The following COL4A5 variants were observed in gnomAD, a reference collection of about 807,000 sequenced individuals.
The protein encoded by COL4A5 is collagen type IV alpha 5 chain.
In COL4A5, 26 loss-of-function variants were observed where a neutral mutation model predicts 130.2. The ratio of observed to expected loss-of-function variants is 0.20; its 90% confidence interval spans 0.15 to 0.28. COL4A5 has a LOEUF of 0.28. COL4A5 is among the 10% of genes least tolerant of loss of function. The probability of loss-of-function intolerance (pLI) is 1.00; values close to 1 mark genes in which losing one functional copy is unlikely to be tolerated. For synonymous variants in COL4A5, 496 were observed against 439.6 expected (o/e 1.13, Z -1.60); for missense variants, 1,131 against 1,344.3 (o/e 0.84, Z 2.48).
intron 1 of COL4A5, among the ~76,000 whole-genome samples, chrX:108,505,061 A>C (rs1030486328): frequency 1.8e-5 from 2 of 111,734 alleles, no homozygotes; most frequent in Non-Finnish European, 3.8e-5. Flanking sequence ...ACAAAAAAGG[A>C]ATGGAATAAT....
intron 36 of COL4A5, among the ~76,000 whole-genome samples, chrX:108,632,318 T>C (rs1441411088): frequency 1.8e-5 from 2 of 109,803 alleles, no homozygotes; most frequent in Non-Finnish European, 3.8e-5. Context: ...TAACAGGCTC[T>C]GAAATTGAGG....
chrX:108,673,219 G>A (rs1043965966), intron 42 of COL4A5, among the ~76,000 whole-genome samples: 10 of 111,438 alleles, frequency 9.0e-5, no homozygotes, highest in Non-Finnish European at 1.7e-4. Flanking sequence ...AGGGAGGTTA[G>A]GGCAGATACC....
intron 28 of COL4A5, among the ~76,000 whole-genome samples, chrX:108,605,895 TA>T (rs2066720706): frequency 8.9e-6 from 1 of 112,213 alleles, no homozygotes; most frequent in Non-Finnish European, 1.9e-5. Flanking sequence ...TTAGTAATAC[TA>T]ATAATAAATA....
At chrX:108,574,662 A>T (rs1355423835) in intron 9 of COL4A5, among the ~76,000 whole-genome samples, 4 of 111,986 alleles carry the variant, frequency 3.6e-5, no homozygotes, top group African/African-American at 1.3e-4. Flanking sequence ...TACTTTTTCT[A>T]CTTGATATGC....
chrX:108,603,849 G>T (rs927897790), intron 28 of COL4A5, among the ~76,000 whole-genome samples: 2 of 111,946 alleles, frequency 1.8e-5, no homozygotes, highest in Non-Finnish European at 3.8e-5. Context: ...AATATTCTAA[G>T]TCCTTTAGTG....
rs1420094332 is a variant in COL4A5, at chrX:108,449,022, G to GA, written c.81+8816_81+8817insA. Among the ~76,000 whole-genome samples the GA allele has an allele frequency of 5.4e-5, 6 of 111,700 alleles. No individual in the cohort carries two copies. In the Admixed American group the frequency reaches 5.7e-4, roughly 11 times the overall value. On this transcript the variant is annotated intron_variant, in intron 1 of 52. Transcript: ENST00000328300. ...TTTACTAGCAATGGAAACTTTCTAA[G>GA]GAGTCCCACAGCACCACCCTGAAAA...
intron 36 of COL4A5, among the ~76,000 whole-genome samples, chrX:108,646,558 T>C (rs1469425131): frequency 9.0e-6 from 1 of 111,579 alleles, no homozygotes; most frequent in East Asian, 2.8e-4. Context: ...GTAGTTTCTT[T>C]TGCTGTGCAG....
At chrX:108,602,260 T>C (rs1352929772) in intron 27 of COL4A5, among the ~76,000 whole-genome samples, 5 of 112,349 alleles carry the variant, frequency 4.5e-5, no homozygotes, top group Non-Finnish European at 1.9e-5. Context: ...GTGTTCACCA[T>C]AGTATTTTCA....
In COL4A5 at chrX:108,677,504, A is replaced by G. The variant is rs769844093; in HGVS notation, c.3813A>G (p.Leu1271=). The part of the protein sequence containing the change: ...GRPGPTGFQG[L]PGPEGPPGLP... ...CATTTGCTGTGGATTATTAAGGTCT[A>G]CCAGGTCCAGAAGGTCCTCCAGGTC... Residue 1271 remains leucine, a synonymous_variant, in exon 44 of 53, where the codon CTA becomes CTG. Coordinates refer to ENST00000328300, the MANE Select transcript of COL4A5 (RefSeq NM_033380.3). 1 of 1,209,351 alleles carries G rather than the reference A, an allele frequency of 8.3e-7. No homozygotes were observed. The highest frequency in any genetic ancestry group is 1.1e-6 in the Non-Finnish European group (1 of 893,571).
chrX:108,626,903 T>G (rs763960821), intron 36 of COL4A5: 2 of 760,119 alleles, frequency 2.6e-6, no homozygotes, highest in East Asian at 2.8e-4. Context: ...TTGACAATTG[T>G]TTAGTTCCAT....
chrX:108,646,713 C>G (rs181257082), intron 36 of COL4A5, among the ~76,000 whole-genome samples: 54 of 111,599 alleles, frequency 4.8e-4, no homozygotes, highest in Middle Eastern at 4.6e-3. Context: ...TATGGTTTTA[C>G]GTCTAACATT....
At chrX:108,695,909 T>G (rs2148003147) in intron 52 of COL4A5, 1 of 216,229 alleles carries the variant, frequency 4.6e-6, no homozygotes, top group South Asian at 7.5e-5. Flanking sequence ...AAATTTATTT[T>G]TATGTGTTGC....
chrX:108,549,288 A>G (rs757090966), intron 2 of COL4A5, among the ~76,000 whole-genome samples: 4 of 111,984 alleles, frequency 3.6e-5, no homozygotes, highest in Non-Finnish European at 7.5e-5. Context: ...CCAACATCAA[A>G]CAACTACAGA....
At chrX:108,491,818 C>T (rs773261958) in intron 1 of COL4A5, among the ~76,000 whole-genome samples, 1 of 111,361 alleles carries the variant, frequency 9.0e-6, no homozygotes, top group Non-Finnish European at 1.9e-5. Flanking sequence ...ATCTGAGGGA[C>T]CAGTTCAGAA....
At chrX:108,646,747 T>A (rs1475514499) in intron 36 of COL4A5, among the ~76,000 whole-genome samples, 1 of 112,079 alleles carries the variant, frequency 8.9e-6, no homozygotes, top group Non-Finnish European at 1.9e-5. Context: ...CATCTTGAAT[T>A]AATTTTTGTA....
intron 43 of COL4A5, 66 bp downstream of exon 43, chrX:108,674,819 G>C (rs142370319): frequency 0.02 from 20,995 of 1,070,751 alleles, 179 homozygotes; most frequent in Middle Eastern, 0.034. Flanking sequence ...TGTGATAAGA[G>C]AAATGCAATT....
intron 36 of COL4A5, among the ~76,000 whole-genome samples, chrX:108,640,829 G>A (rs779641619): frequency 5.7e-4 from 64 of 111,709 alleles, no homozygotes; most frequent in Non-Finnish European, 1.3e-4. Context: ...ATGTATACAT[G>A]TATCATAACA....
intron 20 of COL4A5, 60 bp downstream of exon 20, chrX:108,591,291 G>A: frequency 9.3e-7 from 1 of 1,075,155 alleles, no homozygotes; most frequent in Non-Finnish European, 1.3e-6. Flanking sequence ...TTGTTTATAA[G>A]TAACTCTAGC....
intron 35 of COL4A5, 32 bp from the exon 36 acceptor site, chrX:108,626,178 G>C (rs2067150122): frequency 8.4e-7 from 1 of 1,186,753 alleles, no homozygotes; most frequent in African/African-American, 1.8e-5. Context: ...AGCATATTTT[G>C]TAAAATATTA....
Sources: allele counts gnomAD v4.1 joint callset (sites outside exome capture counted in the v4.1 genomes callset), GRCh38; gene constraint gnomAD v4.1.1; transcripts MANE v1.5; gene names NCBI Gene and HGNC (gene_info 2026-07-23, HGNC 2026-07-21).